The following NCOA1 variants were observed in gnomAD, a reference collection of about 807,000 sequenced individuals.
NCOA1 encodes the protein Hin-2 protein.
In NCOA1, 35 loss-of-function variants were observed where a neutral mutation model predicts 150.9. The observed-to-expected ratio is 0.23, with a 90% CI of 0.18 to 0.31. The LOEUF (loss-of-function observed/expected upper bound fraction) is 0.31. NCOA1 is among the 10% of genes least tolerant of loss of function. NCOA1 has a pLI of 1.00. For missense variants in NCOA1, 1,491 were observed against 1,749.3 expected (o/e 0.85, Z 2.63); for synonymous variants, 590 against 630.0 (o/e 0.94, Z 0.95).
intron 4 of NCOA1, among the ~76,000 whole-genome samples, chr2:24,649,938 A>G (rs1337562324): frequency 6.6e-6 from 1 of 152,204 alleles, no homozygotes; most frequent in African/African-American, 2.4e-5. Context: ...TATTATTAGC[A>G]TAATAAATTT....
intron 1 of NCOA1, among the ~76,000 whole-genome samples, chr2:24,526,080 T>C (rs1023314342): frequency 3.3e-5 from 5 of 152,202 alleles, no homozygotes; most frequent in Non-Finnish European, 7.3e-5. Context: ...CCTGGCCTAA[T>C]TGTTTCTTGG....
intron 4 of NCOA1, among the ~76,000 whole-genome samples, chr2:24,656,389 C>T (rs1670953469): frequency 6.6e-6 from 1 of 152,144 alleles, no homozygotes. Flanking sequence ...CAGTGTGATA[C>T]TTTGATACAT....
chr2:24,737,996 C>A (rs1405201480), intron 17 of NCOA1, among the ~76,000 whole-genome samples: 1 of 152,102 alleles, frequency 6.6e-6, no homozygotes, highest in Non-Finnish European at 1.5e-5. Context: ...ACTTTTAAAA[C>A]TATAAAGTTG....
At chr2:24,670,281 A>G (rs111819364) in intron 6 of NCOA1, among the ~76,000 whole-genome samples, 8 of 152,344 alleles carry the variant, frequency 5.3e-5, no homozygotes, top group African/African-American at 1.9e-4. Flanking sequence ...GGGGTTGAAC[A>G]TAGAGCTAGC....
chr2:24,751,643 A>G (rs528266013), intron 19 of NCOA1, among the ~76,000 whole-genome samples: 1 of 152,286 alleles, frequency 6.6e-6, no homozygotes, highest in East Asian at 1.9e-4. Flanking sequence ...ATGTTCATAC[A>G]TATTTTTACA....
chr2:24,686,040 C>T (rs1022263360), intron 8 of NCOA1, among the ~76,000 whole-genome samples: 1 of 152,116 alleles, frequency 6.6e-6, no homozygotes, highest in Non-Finnish European at 1.5e-5. Flanking sequence ...TCACTCTTGT[C>T]ACCCAGGCTG....
chr2:24,634,741 A>G (rs1669866151), intron 3 of NCOA1, among the ~76,000 whole-genome samples: 1 of 93,700 alleles, frequency 1.1e-5, no homozygotes. Context: ...AGACAAGACC[A>G]CACTCTTTCG....
At chr2:24,610,653 CAT>C (rs1249939391) in intron 3 of NCOA1, among the ~76,000 whole-genome samples, 1 of 151,544 alleles carries the variant, frequency 6.6e-6, no homozygotes, top group African/African-American at 2.4e-5. Context: ...ATATATTAAA[CAT>C]ATTTAATATT....
At position 24,742,202 on chromosome 2, in the gene NCOA1, C is replaced by T. The variant is rs1397654959; in HGVS notation, c.3706+16C>T. 1.3e-6 allele frequency: 2 copies of T among 1,595,792 alleles called. No homozygotes were observed. Among genetic ancestry groups the T allele is most frequent in the African/African-American group, 1.3e-5 (1 of 74,748 alleles). On this transcript the variant is annotated intron_variant, in intron 19 of 22. Transcript: ENST00000348332. ...CCAGGAGCAGGTAGGAAGGTCACAA[C>T]TTTATGTTGTTCTAAGTAATCCATA... is the stretch of plus-strand genomic sequence containing the variant.
Position 24,729,508 on chromosome 2 carries a change from G to A in NCOA1, c.2894G>A (p.Gly965Glu), listed in dbSNP as rs754700681. ...TGGCTTCTTTTCTAACAGGGGGGTG[G>A]ATTAGATGTATTATCAGAGAGATTT... ...LGIDKLVQGG[G>E]LDVLSERFPP... is the part of the protein sequence containing the mutation. Residue 965 changes from glycine to glutamate, a missense_variant, in exon 17 of 23, where the codon GGA becomes GAA. Gly to Glu is a moderately conservative substitution (Grantham distance 98, BLOSUM62 -2). Around this residue, in one of 8 missense-constraint regions of NCOA1, gnomAD observed 485 missense variants for 522.8 expected, o/e 0.93. Coordinates refer to ENST00000348332, the MANE Select transcript of NCOA1 (RefSeq NM_003743.5). 1.9e-6 allele frequency: 3 copies of A among 1,613,106 alleles called. No individual in the cohort carries two copies. In the South Asian group the frequency reaches 3.3e-5, roughly 18 times the overall value.
chr2:24,634,908 G>A (rs1669874947), intron 3 of NCOA1, among the ~76,000 whole-genome samples: 1 of 151,826 alleles, frequency 6.6e-6, no homozygotes, highest in African/African-American at 2.4e-5. Context: ...GTAGAGACGG[G>A]GCCTCACTTT....
intron 7 of NCOA1, among the ~76,000 whole-genome samples, chr2:24,678,097 C>T (rs1456747666): frequency 2.0e-5 from 3 of 152,114 alleles, no homozygotes; most frequent in Non-Finnish European, 4.4e-5. Flanking sequence ...TCCATGTGTT[C>T]TCATTGTTCA....
At chr2:24,519,717 C>G (rs1263496561) in intron 1 of NCOA1, among the ~76,000 whole-genome samples, 2 of 150,818 alleles carry the variant, frequency 1.3e-5, no homozygotes, top group African/African-American at 4.9e-5. Context: ...TAGGCATAGT[C>G]TCGGGAGGCT....
chr2:24,573,150 T>C (rs919074611), intron 2 of NCOA1, among the ~76,000 whole-genome samples: 1 of 152,090 alleles, frequency 6.6e-6, no homozygotes, highest in Non-Finnish European at 1.5e-5. Context: ...GCATAGTTAA[T>C]GTGGTCTATA....
chr2:24,521,449 A>G (rs954179857), intron 1 of NCOA1, among the ~76,000 whole-genome samples: 1 of 152,106 alleles, frequency 6.6e-6, no homozygotes, highest in African/African-American at 2.4e-5. Flanking sequence ...TATGAGTTCA[A>G]CTTTTTAAGA....
chr2:24,612,028 T>G (rs533959733), intron 3 of NCOA1, among the ~76,000 whole-genome samples: 1 of 152,296 alleles, frequency 6.6e-6, no homozygotes, highest in East Asian at 1.9e-4. Context: ...TGTGCTTAAT[T>G]GTGTTTTTGT....
At chr2:24,715,750 G>A (rs1674001836) in intron 14 of NCOA1, among the ~76,000 whole-genome samples, 1 of 152,156 alleles carries the variant, frequency 6.6e-6, no homozygotes, top group African/African-American at 2.4e-5. Flanking sequence ...CAAATAAATG[G>A]AGAGGGATAC....
chr2:24,758,444 C>A lies in NCOA1; in HGVS notation c.4065+288C>A, dbSNP rs535484631. On this transcript the variant is annotated intron_variant, in intron 21 of 22. Coordinates refer to ENST00000348332, the MANE Select transcript of NCOA1 (RefSeq NM_003743.5). ...TGCCCAGGCTCAAGGGATCCTCCCA[C>A]CTCAGACTCCTAAGTAGCTGGGACT... Among the ~76,000 whole-genome samples, 21 of 151,400 alleles carry A rather than the reference C, an allele frequency of 1.4e-4. No individual in the cohort carries two copies. In the South Asian group the frequency reaches 4.4e-3, roughly 32 times the overall value.
At chr2:24,679,039 TG>T in intron 7 of NCOA1, among the ~76,000 whole-genome samples, 1 of 152,354 alleles carries the variant, frequency 6.6e-6, no homozygotes, top group African/African-American at 2.4e-5. Context: ...CCCGGAACTT[TG>T]TCCCATCACA....
Sources: allele counts gnomAD v4.1 joint callset (sites outside exome capture counted in the v4.1 genomes callset), GRCh38; gene constraint gnomAD v4.1.1; regional missense constraint gnomAD v4.1.1; transcripts MANE v1.5; gene names NCBI Gene and HGNC (gene_info 2026-07-23, HGNC 2026-07-21).